Variants in DCLK2 observed in about 807,000 individuals in gnomAD.
DCLK2 encodes the protein serine/threonine-protein kinase DCLK2.
Under a neutral mutation model 78.4 loss-of-function variants are expected in DCLK2, and 31 were observed. The observed-to-expected ratio is 0.40, with a 90% CI of 0.30 to 0.53. DCLK2 has a LOEUF of 0.53. DCLK2 is among the 20% of genes least tolerant of loss of function. The pLI is 0.61. For missense variants in DCLK2, 872 were observed against 973.7 expected, an observed-to-expected ratio of 0.90 and a Z score of 1.39; for synonymous variants, 407 against 374.9, an observed-to-expected ratio of 1.09 and a Z score of -0.99.
rs187509530 is a variant in DCLK2 at position 150,133,362 on chromosome 4, T to C, written c.756+30550T>C. Among the ~76,000 whole-genome samples, 214 of 152,300 alleles carry C rather than the reference T, an allele frequency of 1.4e-3. 1 individual carries two copies. The highest frequency in any genetic ancestry group is 5.1e-3 in the African/African-American group (211 of 41,566). On this transcript the variant is annotated intron_variant, in intron 2 of 15. Transcript: ENST00000296550. ...AATGACCACGAAAGTACCACAAATA[T>C]TGATTTTGAGATTAAAGATAAATTT... is the stretch of plus-strand genomic sequence containing the variant.
At chr4:150,130,926 A>G (rs1733266609) in intron 2 of DCLK2, among the ~76,000 whole-genome samples, 1 of 152,116 alleles carries the variant, frequency 6.6e-6, no homozygotes, top group Non-Finnish European at 1.5e-5. Flanking sequence ...AGGTCCTAGC[A>G]CAGAAACTCT....
intron 1 of DCLK2, among the ~76,000 whole-genome samples, chr4:150,086,504 T>C (rs1580470668): frequency 2.8e-5 from 1 of 35,406 alleles, no homozygotes; most frequent in Non-Finnish European, 1.2e-4. Flanking sequence ...CAGATTCTTT[T>C]TATTTTTTTT....
At chr4:150,125,516 T>G (rs927972670) in intron 2 of DCLK2, among the ~76,000 whole-genome samples, 5 of 152,172 alleles carry the variant, frequency 3.3e-5, no homozygotes, top group African/African-American at 1.2e-4. Flanking sequence ...TTTGAGCCAA[T>G]GTTTGGTAAG....
chr4:150,254,146 C>T (rs532705266), intron 15 of DCLK2, among the ~76,000 whole-genome samples: 4 of 152,152 alleles, frequency 2.6e-5, no homozygotes, highest in Non-Finnish European at 5.9e-5. Context: ...CAGGAGAGAC[C>T]ATCTTGTGGT....
At position 150,249,630 on chromosome 4, in the gene DCLK2, T is replaced by C; in HGVS notation, c.2019T>C (p.Phe673=). 1 of 1,613,776 alleles carries C rather than the reference T, an allele frequency of 6.2e-7. No homozygotes were observed. Among genetic ancestry groups the C allele is most frequent in the South Asian group, 1.1e-5 (1 of 91,076 alleles). The change falls in exon 15 of 16, where the codon TTT becomes TTC. Residue 673 remains phenylalanine, a synonymous_variant. Coordinates refer to ENST00000296550, the MANE Select transcript of DCLK2 (RefSeq NM_001040260.4). ...AEVTGKLKQH[F]NNALPKQNST... Reference sequence around the variant, plus strand: ...TGACAGGTAAACTAAAACAGCACTTTAATAATGCGCTCCCCAAACAGAACA... The same window carrying C: ...TGACAGGTAAACTAAAACAGCACTTCAATAATGCGCTCCCCAAACAGAACA...
rs1201744358 is a variant in DCLK2, at chr4:150,172,341, C to T, written c.757-20797C>T. 2.0e-5 allele frequency among the ~76,000 whole-genome samples: 3 copies of T among 152,048 alleles called. No individual in the cohort carries two copies. The East Asian group carries it at 5.8e-4, about 29-fold the overall frequency. The stretch of plus-strand genomic sequence containing the variant: ...AATCCTGGCCAGGCACGGTGGCTCA[C>T]GCCTGTAATCCCAGCACTTTGGGAG... On this transcript the variant is annotated intron_variant, in intron 2 of 15. Coordinates refer to ENST00000296550, the MANE Select transcript of DCLK2 (RefSeq NM_001040260.4).
At chr4:150,097,108 A>G (rs1423789778) in intron 1 of DCLK2, among the ~76,000 whole-genome samples, 1 of 152,064 alleles carries the variant, frequency 6.6e-6, no homozygotes, top group Non-Finnish European at 1.5e-5. Context: ...AAAAATGGGC[A>G]CAGATGGAAA....
In DCLK2 at chr4:150,198,019, T is replaced by G. The variant is rs748737054; in HGVS notation, c.877T>G (p.Ser293Ala). ...TTTTCTAGAATGTCGTGTCCTGAAGTCATCTTATTCTCGATCCTCAGCTGT... is the reference window on the plus strand; with the variant it reads ...TTTTCTAGAATGTCGTGTCCTGAAGGCATCTTATTCTCGATCCTCAGCTGT... ...LDHSECRVLK[S>A]SYSRSSAVKY... Residue 293 changes from serine (S) to alanine (A), a missense_variant, in exon 4 of 16, where the codon TCA becomes GCA. By Grantham distance (99) the Ser-to-Ala change is moderately conservative (BLOSUM62 1). Transcript: ENST00000296550. The G allele has an allele frequency of 1.2e-5, 19 of 1,613,274 alleles. No homozygotes were observed. The highest frequency in any genetic ancestry group is 1.6e-5 in the Non-Finnish European group (19 of 1,179,838).
chr4:150,239,320 G>A (rs1013385498), intron 10 of DCLK2, among the ~76,000 whole-genome samples: 8 of 152,086 alleles, frequency 5.3e-5, no homozygotes, highest in Admixed American at 2.0e-4. Context: ...AGGAGGTGTC[G>A]GGCACGGTAG....
intron 2 of DCLK2, among the ~76,000 whole-genome samples, chr4:150,125,554 C>T (rs1408638494): frequency 1.3e-5 from 2 of 152,084 alleles, no homozygotes; most frequent in African/African-American, 4.8e-5. Context: ...AAATTGTCTA[C>T]CCTATGTTTA....
At chr4:150,110,263 A>G (rs1038378757) in intron 2 of DCLK2, among the ~76,000 whole-genome samples, 1 of 152,242 alleles carries the variant, frequency 6.6e-6, no homozygotes, top group African/African-American at 2.4e-5. Context: ...GCATAAAGAT[A>G]GTGTTAAAAT....
At chr4:150,168,159 C>T (rs1560828163) in intron 2 of DCLK2, among the ~76,000 whole-genome samples, 1 of 152,070 alleles carries the variant, frequency 6.6e-6, no homozygotes, top group Non-Finnish European at 1.5e-5. Context: ...CTGGCTAACA[C>T]AGTGAAACCC....
At chr4:150,141,421 A>T (rs1028663840) in intron 2 of DCLK2, among the ~76,000 whole-genome samples, 2 of 152,128 alleles carry the variant, frequency 1.3e-5, no homozygotes, top group Non-Finnish European at 2.9e-5. Flanking sequence ...TGCAGATCTG[A>T]AAAGGGGGTT....
chr4:150,209,612 A>G (rs1309895520), intron 5 of DCLK2: 1 of 152,440 alleles, frequency 6.6e-6, no homozygotes. Flanking sequence ...AGCTACACAG[A>G]GGACCTGGAG....
intron 2 of DCLK2, among the ~76,000 whole-genome samples, chr4:150,145,133 A>C (rs1002870370): frequency 6.6e-6 from 1 of 151,960 alleles, no homozygotes; most frequent in African/African-American, 2.4e-5. Context: ...TGCTATTGTA[A>C]ATGGAATTGA....
At chr4:150,105,159 G>C (rs936950641) in intron 2 of DCLK2, among the ~76,000 whole-genome samples, 2 of 152,088 alleles carry the variant, frequency 1.3e-5, no homozygotes, top group African/African-American at 4.8e-5. Context: ...AGGACTAAAA[G>C]TATGTCAATA....
chr4:150,169,514 C>T (rs1266471243), intron 2 of DCLK2, among the ~76,000 whole-genome samples: 1 of 152,010 alleles, frequency 6.6e-6, no homozygotes, highest in Non-Finnish European at 1.5e-5. Context: ...TGAAAGTAGC[C>T]AGTGTGGTGG....
intron 3 of DCLK2, among the ~76,000 whole-genome samples, chr4:150,193,455 A>G (rs1030712900): frequency 2.6e-5 from 4 of 152,252 alleles, no homozygotes; most frequent in African/African-American, 9.6e-5. Context: ...GAAAAAGAAT[A>G]ACCCAATGCC....
intron 2 of DCLK2, among the ~76,000 whole-genome samples, chr4:150,138,099 G>A (rs1490070772): frequency 6.6e-6 from 1 of 152,184 alleles, no homozygotes; most frequent in South Asian, 2.1e-4. Flanking sequence ...CTTCTGCAGA[G>A]GTTAGTTATT....
Sources: allele counts gnomAD v4.1 joint callset (sites outside exome capture counted in the v4.1 genomes callset), GRCh38; gene constraint gnomAD v4.1.1; transcripts MANE v1.5; gene names NCBI Gene and HGNC (gene_info 2026-07-23, HGNC 2026-07-21).